The following BRAF variants were observed in gnomAD, a reference collection of about 807,000 sequenced individuals.
The protein encoded by BRAF is serine/threonine-protein kinase B-raf.
BRAF carries 16 observed loss-of-function variants against 104.6 expected under a neutral mutation model. The observed-to-expected ratio is 0.15, with a 90% CI of 0.10 to 0.23. BRAF has a LOEUF of 0.23. BRAF is among the 10% of genes least tolerant of loss of function. The pLI is 1.00. For missense variants in BRAF, 541 were observed against 937.3 expected, an observed-to-expected ratio of 0.58 and a Z score of 5.52; for synonymous variants, 310 against 341.6, an observed-to-expected ratio of 0.91 and a Z score of 1.02.
intron 1 of BRAF, among the ~76,000 whole-genome samples, chr7:140,861,722 T>C (rs748417550): frequency 2.8e-4 from 42 of 152,238 alleles, no homozygotes; most frequent in Non-Finnish European, 3.1e-4. Context: ...TGTAAGGTGC[T>C]ATATCTGTGT....
chr7:140,787,441 A>G lies in BRAF; in HGVS notation c.1177+107T>C, dbSNP rs1801502891. ...AAAAAAATTTTGGGTTTCTCTACAC[A>G]TTTTTCTCTGTGTCTGTTACTTGAA... On this transcript the variant is annotated intron_variant, in intron 9 of 19. Transcript: ENST00000644969. The G allele has an allele frequency of 3.2e-6, 4 of 1,266,924 alleles. No individual in the cohort carries two copies. The East Asian group carries it at 9.3e-5, about 30-fold the overall frequency. The allele number at this position is 1,266,924 out of a possible 1,614,324, so 78.5% of individuals were successfully genotyped here. A position where few individuals can be genotyped will look rare whatever the true frequency, so the allele number is the denominator to read the frequency against.
intron 19 of BRAF, among the ~76,000 whole-genome samples, chr7:140,728,157 G>C (rs1294931851): frequency 1.3e-5 from 2 of 152,124 alleles, no homozygotes; most frequent in African/African-American, 4.8e-5. Context: ...ATGCCTCACG[G>C]AACAGTTTGT....
At chr7:140,782,960 A>T (rs1429522839) in intron 11 of BRAF, 61 bp downstream of exon 10, 6 of 1,569,602 alleles carry the variant, frequency 3.8e-6, no homozygotes, top group Non-Finnish European at 5.2e-6. Context: ...ATAATATTAC[A>T]TTTGGCTGTG....
At chr7:140,823,249 T>G (rs1805670718) in intron 3 of BRAF, among the ~76,000 whole-genome samples, 1 of 152,198 alleles carries the variant, frequency 6.6e-6, no homozygotes, top group South Asian at 2.1e-4. Flanking sequence ...ATTCACAATG[T>G]TGTGCAACCA....
chr7:140,754,076 A>T, intron 15 of BRAF, 111 bp downstream of exon 14: 1 of 1,106,862 alleles, frequency 9.0e-7, no homozygotes, highest in Non-Finnish European at 1.4e-6. Context: ...AATTCTCTTT[A>T]CAGTATATCG....
At chr7:140,821,774 A>T (rs1481178116) in intron 3 of BRAF, among the ~76,000 whole-genome samples, 3 of 152,156 alleles carry the variant, frequency 2.0e-5, no homozygotes, top group African/African-American at 7.2e-5. Flanking sequence ...CTACGAAAAA[A>T]CCACATATTT....
intron 1 of BRAF, among the ~76,000 whole-genome samples, chr7:140,854,209 A>G (rs989625830): frequency 6.6e-6 from 1 of 152,150 alleles, no homozygotes; most frequent in Non-Finnish European, 1.5e-5. Context: ...GCATCCCTCT[A>G]TGATGTGTTC....
At chr7:140,785,271 A>T (rs929025094) in intron 10 of BRAF, among the ~76,000 whole-genome samples, 1 of 152,170 alleles carries the variant, frequency 6.6e-6, no homozygotes, top group African/African-American at 2.4e-5. Flanking sequence ...TTGACACTTT[A>T]ATTTTCTTAA....
intron 1 of BRAF, among the ~76,000 whole-genome samples, chr7:140,852,085 C>G (rs1809229343): frequency 6.6e-6 from 1 of 152,164 alleles, no homozygotes; most frequent in Non-Finnish European, 1.5e-5. Flanking sequence ...ACAGCAGAAG[C>G]TGGCCTAGCA....
At chr7:140,834,392 A>C (rs1807095976) in intron 3 of BRAF, 3 of 692,690 alleles carry the variant, frequency 4.3e-6, no homozygotes, top group East Asian at 2.7e-5. Context: ...AGACAGGTTT[A>C]AATGTCAAAT....
intron 14 of BRAF, chr7:140,758,044 T>G (rs1798351454): frequency 6.6e-6 from 1 of 152,276 alleles, no homozygotes; most frequent in Non-Finnish European, 1.5e-5. Flanking sequence ...CATCTCTCAC[T>G]TAAGTCTGCT....
At chr7:140,801,593 A>C (rs1481854560) in intron 5 of BRAF, 33 bp from the exon 6 acceptor site, 9 of 1,601,274 alleles carry the variant, frequency 5.6e-6, no homozygotes, top group Non-Finnish European at 7.7e-6. Flanking sequence ...GATTTCAAAA[A>C]CTCACAAGAA....
chr7:140,895,687 T>G (rs760892210), intron 1 of BRAF, among the ~76,000 whole-genome samples: 1 of 152,232 alleles, frequency 6.6e-6, no homozygotes, highest in Non-Finnish European at 1.5e-5. Flanking sequence ...GGGTTTAACT[T>G]TCTTTTGCTG....
At chr7:140,774,900 A>G (rs2129016807) in intron 14 of BRAF, among the ~76,000 whole-genome samples, 1 of 152,332 alleles carries the variant, frequency 6.6e-6, no homozygotes, top group South Asian at 2.1e-4. Context: ...AGTTGTGTGT[A>G]ATCATTTTCA....
intron 14 of BRAF, among the ~76,000 whole-genome samples, chr7:140,756,167 T>C (rs1798189912): frequency 6.6e-6 from 1 of 152,162 alleles, no homozygotes; most frequent in Non-Finnish European, 1.5e-5. Flanking sequence ...ACCAGTGATA[T>C]ACCCAGCATA....
rs1477237710 is a variant in BRAF, at chr7:140,734,783, A to C, written c.2248-13T>G. 3 of 1,337,404 alleles carry C rather than the reference A, an allele frequency of 2.2e-6. No individual in the cohort carries two copies. Among genetic ancestry groups the C allele is most frequent in the Non-Finnish European group, 1.9e-6 (2 of 1,026,374 alleles). The allele number at this position is 1,337,404 out of a possible 1,614,324, so 82.8% of individuals were successfully genotyped here. Reference sequence around the variant, plus strand: ...TAGAGGCGAGAATCTACAAAAAAAAAAAGAAAAAAAAAAGAAAAAAAAAGA... The same window carrying C: ...TAGAGGCGAGAATCTACAAAAAAAACAAGAAAAAAAAAAGAAAAAAAAAGA... On this transcript the variant is annotated splice_polypyrimidine_tract_variant and intron_variant, in intron 18 of 19. Transcript: ENST00000644969.
At chr7:140,815,566 T>C (rs2129051992) in intron 3 of BRAF, among the ~76,000 whole-genome samples, 1 of 151,900 alleles carries the variant, frequency 6.6e-6, no homozygotes, top group Admixed American at 6.6e-5. Context: ...CCAGAGCAGC[T>C]GGGATTACAG....
chr7:140,783,846 G>C (rs1013323536), intron 10 of BRAF, among the ~76,000 whole-genome samples: 1 of 152,210 alleles, frequency 6.6e-6, no homozygotes, highest in Non-Finnish European at 1.5e-5. Flanking sequence ...CTCTGCCTTT[G>C]TAAGTGAGAG....
Position 140,721,066 on chromosome 7 carries a change from A to G in BRAF, c.*5428T>C. The G allele has an allele frequency of 9.4e-7, 1 of 1,064,138 alleles. No individual in the cohort carries two copies. Among genetic ancestry groups the G allele is most frequent in the Non-Finnish European group, 1.1e-6 (1 of 878,578 alleles). 65.9% of individuals were successfully genotyped at this position (1,064,138 alleles called of 1,614,324 possible). The stretch of plus-strand genomic sequence containing the variant: ...TTGTTTTCAGAGCACTTCTATCTAC[A>G]GAATTCTTTAAAAAAAAATGCACCT... On this transcript the variant is annotated 3_prime_UTR_variant, in exon 20 of 20. Coordinates refer to ENST00000644969, the MANE Select transcript of BRAF (RefSeq NM_001374258.1).
Sources: gnomAD v4.1 joint callset for allele counts (sites outside exome capture counted in the v4.1 genomes callset) on GRCh38, gnomAD v4.1.1 for gene constraint, MANE v1.5 for transcripts, NCBI Gene and HGNC (gene_info 2026-07-23, HGNC 2026-07-21) for gene names.